Variants in CACNB2 observed in about 807,000 individuals in gnomAD.
CACNB2 encodes the protein calcium voltage-gated channel auxiliary subunit beta 2, also known as voltage-dependent L-type calcium channel subunit beta-2.
In CACNB2, 42 loss-of-function variants were observed where a neutral mutation model predicts 73.3. That is an observed-to-expected ratio of 0.57 (90% CI 0.45 to 0.74). The LOEUF (loss-of-function observed/expected upper bound fraction) is 0.74, where lower values mean the gene tolerates loss of function less well. CACNB2 is among the 30% of genes least tolerant of loss of function. CACNB2 has a pLI of 0.00. For synonymous variants in CACNB2, 348 were observed against 310.3 expected (o/e 1.12, Z -1.28); for missense variants, 940 against 853.0 (o/e 1.10, Z -1.27).
At chr10:18,518,991 T>A (rs1475340720) in intron 9 of CACNB2, 23 bp downstream of exon 9, 2 of 1,608,710 alleles carry the variant, frequency 1.2e-6, no homozygotes, top group Non-Finnish European at 1.7e-6. Flanking sequence ...GCATACTGGG[T>A]TTTGTGGATT....
At chr10:18,315,927 A>T (rs1289857760) in intron 2 of CACNB2, among the ~76,000 whole-genome samples, 1 of 152,150 alleles carries the variant, frequency 6.6e-6, no homozygotes, top group African/African-American at 2.4e-5. Flanking sequence ...GACGTAATGA[A>T]CTTCGGAGTA....
chr10:18,174,371 C>CT (rs1033832289), intron 2 of CACNB2, among the ~76,000 whole-genome samples: 12 of 91,348 alleles, frequency 1.3e-4, no homozygotes, highest in Admixed American at 1.1e-3. Flanking sequence ...CTTTTTCTTT[C>CT]TTTCTCTTTT....
intron 2 of CACNB2, among the ~76,000 whole-genome samples, chr10:18,209,311 A>G (rs570262565): frequency 6.6e-5 from 10 of 152,250 alleles, no homozygotes; most frequent in African/African-American, 1.9e-4. Flanking sequence ...ATAGATGGAT[A>G]TGTTTCTCCA....
At chr10:18,428,804 G>A (rs1321805869) in intron 3 of CACNB2, among the ~76,000 whole-genome samples, 2 of 152,088 alleles carry the variant, frequency 1.3e-5, no homozygotes, top group Non-Finnish European at 2.9e-5. Context: ...GGATACCTTA[G>A]AAATTTCAGC....
intron 3 of CACNB2, among the ~76,000 whole-genome samples, chr10:18,468,088 G>T (rs1433993337): frequency 6.6e-6 from 1 of 152,134 alleles, no homozygotes; most frequent in Admixed American, 6.6e-5. Flanking sequence ...GGCACATGTT[G>T]ATCAGAAATA....
Position 18,539,545 on chromosome 10 carries a change from C to G in CACNB2, c.1804C>G (p.His602Asp), listed in dbSNP as rs538643709. Residue 602 changes from histidine to aspartate, a missense_variant, in exon 14 of 14, where the codon CAC becomes GAC. Physicochemically the swap from His to Asp is moderately conservative, Grantham distance 81. Coordinates refer to ENST00000324631, the MANE Select transcript of CACNB2 (RefSeq NM_201596.3). Reference sequence around the variant, plus strand: ...GACCCACGGGAGCAGTGACCACAGACACAGGGAGTCCCGGCACCGTTCCCG... The same window carrying G: ...GACCCACGGGAGCAGTGACCACAGAGACAGGGAGTCCCGGCACCGTTCCCG... ...DETHGSSDHR[H>D]RESRHRSRDV... is the part of the protein sequence containing the mutation. 1 of 1,613,814 alleles carries G rather than the reference C, an allele frequency of 6.2e-7. No individual in the cohort carries two copies. Among genetic ancestry groups the G allele is most frequent in the Admixed American group, 1.7e-5 (1 of 59,992 alleles).
chr10:18,340,874 C>G, intron 2 of CACNB2: 1 of 1,614,048 alleles, frequency 6.2e-7, no homozygotes, highest in Admixed American at 1.7e-5. Flanking sequence ...AATTCTTGCT[C>G]CTGTGAAGAA....
chr10:18,204,592 C>T (rs1240092328), intron 2 of CACNB2, among the ~76,000 whole-genome samples: 3 of 152,132 alleles, frequency 2.0e-5, no homozygotes, highest in Admixed American at 6.5e-5. Context: ...GTAATTTTTG[C>T]TCTGACATTT....
intron 2 of CACNB2, among the ~76,000 whole-genome samples, chr10:18,194,901 A>C (rs1336066942): frequency 6.6e-6 from 1 of 152,190 alleles, no homozygotes; most frequent in Non-Finnish European, 1.5e-5. Context: ...GTTGATTTCC[A>C]GTTTCTCAGA....
At chr10:18,254,816 C>T (rs1262691201) in intron 2 of CACNB2, among the ~76,000 whole-genome samples, 3 of 152,154 alleles carry the variant, frequency 2.0e-5, no homozygotes, top group South Asian at 2.1e-4. Flanking sequence ...TATCACAGAT[C>T]GGATTACTGA....
At chr10:18,443,194 T>C (rs1460511242) in intron 3 of CACNB2, among the ~76,000 whole-genome samples, 1 of 151,710 alleles carries the variant, frequency 6.6e-6, no homozygotes, top group Non-Finnish European at 1.5e-5. Flanking sequence ...AATCCCCAAT[T>C]CAGTGCCTGA....
rs528944687 is a variant in CACNB2 at position 18,450,732 on chromosome 10, C to T, written c.334-47623C>T. Among the ~76,000 whole-genome samples, 25 of 150,896 alleles carry T rather than the reference C, an allele frequency of 1.7e-4. 1 individual carries two copies. The highest frequency in any genetic ancestry group is 1.3e-4 in the Non-Finnish European group (9 of 67,906). ...CCGCCCCCTGGGTTCAAGCAATTCTCCCCTCTCAGTCTCCTGAGTAGCTGG... is the reference window on the plus strand; with the variant it reads ...CCGCCCCCTGGGTTCAAGCAATTCTTCCCTCTCAGTCTCCTGAGTAGCTGG... On this transcript the variant is annotated intron_variant, in intron 3 of 13. Transcript: ENST00000324631.
chr10:18,495,012 A>G (rs192738442), intron 3 of CACNB2, among the ~76,000 whole-genome samples: 63 of 152,320 alleles, frequency 4.1e-4, no homozygotes, highest in African/African-American at 1.4e-3. Context: ...AGTGTGGCCC[A>G]TTTGGACAGT....
rs901404053 is a variant in CACNB2, at chr10:18,516,516, A to T, written c.805-1820A>T. On this transcript the variant is annotated intron_variant, in intron 7 of 13. Coordinates refer to ENST00000324631, the MANE Select transcript of CACNB2 (RefSeq NM_201596.3). ...TAAAATGCAGGAAATTTACATTCATAATTTCAACGGTGGAAAAGGTGTTCT... is the reference window on the plus strand; with the variant it reads ...TAAAATGCAGGAAATTTACATTCATTATTTCAACGGTGGAAAAGGTGTTCT... 3.9e-5 allele frequency among the ~76,000 whole-genome samples: 6 copies of T among 152,330 alleles called. No homozygotes were observed. The East Asian group carries it at 1.2e-3, about 29-fold the overall frequency.
intron 2 of CACNB2, among the ~76,000 whole-genome samples, chr10:18,184,649 G>GT (rs201899870): frequency 2.3e-4 from 20 of 87,748 alleles, no homozygotes; most frequent in Admixed American, 6.6e-4. Context: ...CTCAGACTTT[G>GT]TTTTTTTTTT....
intron 2 of CACNB2, chr10:18,262,041 C>T: frequency 1.9e-6 from 1 of 518,740 alleles, no homozygotes; most frequent in African/African-American, 1.9e-5. Flanking sequence ...CGAGCAGCTA[C>T]TCTATTTTCA....
intron 2 of CACNB2, chr10:18,261,414 GT>G: frequency 6.7e-7 from 1 of 1,502,520 alleles, no homozygotes; most frequent in Non-Finnish European, 9.1e-7. Context: ...TTTATTCCCT[GT>G]GCTGAACCAA....
At chr10:18,506,997 C>A (rs965708038) in intron 6 of CACNB2, among the ~76,000 whole-genome samples, 1 of 152,092 alleles carries the variant, frequency 6.6e-6, no homozygotes, top group African/African-American at 2.4e-5. Context: ...TGGAGTTTCA[C>A]CATGTTGCCC....
intron 3 of CACNB2, among the ~76,000 whole-genome samples, chr10:18,444,592 C>G (rs777043330): frequency 1.3e-5 from 2 of 152,092 alleles, no homozygotes; most frequent in Admixed American, 6.5e-5. Context: ...CGTCCCACAG[C>G]TAGGAAAAAA....
Sources: allele counts gnomAD v4.1 joint callset (sites outside exome capture counted in the v4.1 genomes callset), GRCh38; gene constraint gnomAD v4.1.1; transcripts MANE v1.5; gene names NCBI Gene and HGNC (gene_info 2026-07-23, HGNC 2026-07-21).